The following SMARCA5 variants were observed in gnomAD, a reference collection of about 807,000 sequenced individuals.
SMARCA5 encodes the protein SNF2 related chromatin remodeling ATPase 5, also known as SWI/SNF-related matrix-associated actin-dependent regulator of chromatin subfamily A member 5.
Under a neutral mutation model 140.4 loss-of-function variants are expected in SMARCA5, and 18 were observed. The ratio of observed to expected loss-of-function variants is 0.13; its 90% CI spans 0.09 to 0.19. SMARCA5 has a LOEUF of 0.19. SMARCA5 is among the 10% of genes least tolerant of loss of function. SMARCA5 has a pLI of 1.00. For synonymous variants in SMARCA5, 449 were observed against 419.6 expected (o/e 1.07, Z -0.86); for missense variants, 606 against 1,276.8 (o/e 0.47, Z 8.01).
rs1737570633 is a variant in SMARCA5 at position 143,548,253 on chromosome 4, A to G, written c.2985+113A>G. 1.2e-5 allele frequency: 7 copies of G among 598,060 alleles called. No homozygotes were observed. The East Asian group carries it at 1.6e-4, about 14-fold the overall frequency. 37.0% of individuals were successfully genotyped at this position (598,060 alleles called of 1,614,324 possible). On this transcript the variant is annotated intron_variant, in intron 22 of 23. Transcript: ENST00000283131. ...CTATGAAGTAGACTTTTGTTACAAT[A>G]TTGTTAGTATCATAAAACCTAATAC...
chr4:143,513,706 G>T lies in SMARCA5; in HGVS notation c.-219G>T. The T allele has an allele frequency of 1.7e-6, 1 of 571,458 alleles. No individual in the cohort carries two copies. The highest frequency in any genetic ancestry group is 3.0e-6 in the Non-Finnish European group (1 of 330,090). The allele number at this position is 571,458 out of a possible 1,614,324, so 35.4% of individuals were successfully genotyped here. Reference sequence around the variant, plus strand: ...GATTCCCGCCGTGAGGTAAGCGCCGGTGGAACCTAGAGCCCCGCGGAAGAG... The same window carrying T: ...GATTCCCGCCGTGAGGTAAGCGCCGTTGGAACCTAGAGCCCCGCGGAAGAG... On this transcript the variant is annotated 5_prime_UTR_variant, in exon 1 of 24. Coordinates refer to ENST00000283131, the MANE Select transcript of SMARCA5 (RefSeq NM_003601.4).
chr4:143,546,668 A>T (rs1737531957), intron 19 of SMARCA5, 108 bp from the exon 20 acceptor site: 1 of 1,013,246 alleles, frequency 9.9e-7, no homozygotes, highest in East Asian at 2.5e-5. Context: ...AAAAGAACTT[A>T]ATAAACTAGT....
At chr4:143,543,823 A>T (rs781053801) in intron 15 of SMARCA5, 30 bp from the exon 16 acceptor site, 2 of 1,578,320 alleles carry the variant, frequency 1.3e-6, no homozygotes, top group Non-Finnish European at 1.7e-6. Flanking sequence ...TTTGCTGTGA[A>T]TCTAAGAAGC....
chr4:143,547,315 T>C, intron 20 of SMARCA5, 70 bp from the exon 21 acceptor site: 1 of 809,138 alleles, frequency 1.2e-6, no homozygotes, highest in Admixed American at 2.2e-5. Flanking sequence ...ATAATCCAGT[T>C]GATCCCATTT....
intron 11 of SMARCA5, among the ~76,000 whole-genome samples, chr4:143,537,961 G>T (rs1023361997): frequency 3.3e-5 from 5 of 151,590 alleles, no homozygotes; most frequent in Non-Finnish European, 7.4e-5. Flanking sequence ...TGAGGTGCAG[G>T]AACGTGTGAC....
intron 14 of SMARCA5, 60 bp from the exon 15 acceptor site, chr4:143,543,447 TTC>T: frequency 7.3e-7 from 1 of 1,375,096 alleles, no homozygotes; most frequent in Non-Finnish European, 1.0e-6. Flanking sequence ...CATTTAAAGT[TTC>T]AAGTTTCCAG....
chr4:143,548,850 A>G (rs1288895945), intron 22 of SMARCA5, among the ~76,000 whole-genome samples: 1 of 152,064 alleles, frequency 6.6e-6, no homozygotes, highest in Non-Finnish European at 1.5e-5. Context: ...ATTTCTCTGT[A>G]TATTTAAAGT....
At chr4:143,523,023 T>A (rs1417186717) in intron 3 of SMARCA5, among the ~76,000 whole-genome samples, 1 of 152,136 alleles carries the variant, frequency 6.6e-6, no homozygotes, top group African/African-American at 2.4e-5. Context: ...TACATTTTTT[T>A]AAATCTTTTT....
chr4:143,544,969 A>G (rs1440372547), intron 17 of SMARCA5, 122 bp downstream of exon 17: 17 of 546,198 alleles, frequency 3.1e-5, no homozygotes, highest in Non-Finnish European at 3.5e-5. Context: ...TTTTTTTGAG[A>G]CAGAGTCTCA....
At position 143,530,496 on chromosome 4, in the gene SMARCA5, G is replaced by T; in HGVS notation, c.1128G>T (p.Gly376=). ...DSWFDTNNCL[G]DQKLVERLHM... ...GGTTTGATACAAACAACTGCCTTGG[G>T]GATCAAAAACTAGTTGAGAGGCTTC... The change falls in exon 9 of 24, where the codon GGG becomes GGT. Residue 376 remains glycine (G), a synonymous_variant. Transcript: ENST00000283131. 6.2e-7 allele frequency: 1 copy of T among 1,611,638 alleles called. No individual in the cohort carries two copies. The highest frequency in any genetic ancestry group is 1.1e-5 in the South Asian group (1 of 90,790).
intron 8 of SMARCA5, 33 bp downstream of exon 8, chr4:143,528,747 T>C (rs376104488): frequency 8.8e-5 from 141 of 1,597,788 alleles, no homozygotes; most frequent in Non-Finnish European, 1.1e-5. Context: ...TGGTTAATAA[T>C]AATATTTTGC....
At chr4:143,544,066 A>G in intron 16 of SMARCA5, 94 bp downstream of exon 16, 1 of 924,006 alleles carries the variant, frequency 1.1e-6, no homozygotes, top group Non-Finnish European at 1.5e-6. Context: ...AATTTTGCTT[A>G]AAACAGTAGT....
chr4:143,551,086 T>C (rs1350634943), intron 23 of SMARCA5, among the ~76,000 whole-genome samples: 3 of 151,274 alleles, frequency 2.0e-5, no homozygotes, highest in African/African-American at 7.3e-5. Context: ...TGCCTGACTT[T>C]TGGATAAAAG....
intron 17 of SMARCA5, among the ~76,000 whole-genome samples, chr4:143,545,260 G>A (rs565240219): frequency 6.6e-6 from 1 of 152,128 alleles, no homozygotes; most frequent in Admixed American, 6.5e-5. Context: ...CATTTCTTTA[G>A]AGTGTACTCT....
chr4:143,555,665 T>TAC lies in SMARCA5; in HGVS notation c.*2482_*2483insCA, dbSNP rs1318533441. 4.3e-6 allele frequency: 1 copy of TAC among 234,778 alleles called. No individual in the cohort carries two copies. The highest frequency in any genetic ancestry group is 8.4e-6 in the Non-Finnish European group (1 of 119,524). 14.5% of individuals were successfully genotyped at this position (234,778 alleles called of 1,614,324 possible). ...TATAAAGTGTAATTATTACTACTTT[T>TAC]AAGAGACAGGGTCTTGCTCTGTCAC... On this transcript the variant is annotated 3_prime_UTR_variant, in exon 24 of 24. Transcript: ENST00000283131.
chr4:143,540,734 C>CGT (rs1163276527), intron 14 of SMARCA5, among the ~76,000 whole-genome samples: 1 of 152,148 alleles, frequency 6.6e-6, no homozygotes, highest in Non-Finnish European at 1.5e-5. Context: ...TCTCTGGTTA[C>CGT]ATGAACCCAT....
At chr4:143,530,838 A>G (rs1737168564) in intron 9 of SMARCA5, among the ~76,000 whole-genome samples, 1 of 152,152 alleles carries the variant, frequency 6.6e-6, no homozygotes, top group African/African-American at 2.4e-5. Context: ...TGTTTTTGAG[A>G]CAGTCTCACT....
chr4:143,513,880 C>T lies in SMARCA5; in HGVS notation c.-45C>T, dbSNP rs986165351. ...CCTAGGCCTCCCCGTCCATCCCCGC[C>T]GGACTCGGGCCTCTGGCAGCAGCGG... is the stretch of plus-strand genomic sequence containing the variant. On this transcript the variant is annotated 5_prime_UTR_variant, in exon 1 of 24. Coordinates refer to ENST00000283131, the MANE Select transcript of SMARCA5 (RefSeq NM_003601.4). The T allele has an allele frequency of 1.3e-6, 2 of 1,527,690 alleles. No homozygotes were observed. Among genetic ancestry groups the T allele is most frequent in the African/African-American group, 1.4e-5 (1 of 72,386 alleles). The allele number at this position is 1,527,690 out of a possible 1,614,324, so 94.6% of individuals were successfully genotyped here.
chr4:143,520,614 C>A (rs1736937461), intron 2 of SMARCA5, among the ~76,000 whole-genome samples: 1 of 152,088 alleles, frequency 6.6e-6, no homozygotes, highest in South Asian at 2.1e-4. Context: ...TAATTTATTC[C>A]CAAACTGACA....
Sources: gnomAD v4.1 joint callset for allele counts (sites outside exome capture counted in the v4.1 genomes callset) on GRCh38, gnomAD v4.1.1 for gene constraint, MANE v1.5 for transcripts, NCBI Gene and HGNC (gene_info 2026-07-23, HGNC 2026-07-21) for gene names.